Variants in DMXL2 observed in about 807,000 individuals in gnomAD.
DMXL2 encodes dmX-like protein 2.
DMXL2 carries 103 observed loss-of-function variants against 331.1 expected under a neutral mutation model. The ratio of observed to expected loss-of-function variants is 0.31; its 90% CI spans 0.27 to 0.37. The LOEUF (loss-of-function observed/expected upper bound fraction) is 0.37. Among genes scored for constraint, DMXL2 ranks in the 10% least tolerant of loss-of-function variants. The pLI is 1.00. For synonymous variants in DMXL2, 1,281 were observed against 1,252.1 expected, an observed-to-expected ratio of 1.02 and a Z score of -0.49; for missense variants, 3,171 against 3,642.9, an observed-to-expected ratio of 0.87 and a Z score of 3.33.
chr15:51,456,680 A>G (rs2039649264), intron 37 of DMXL2, among the ~76,000 whole-genome samples: 1 of 152,240 alleles, frequency 6.6e-6, no homozygotes, highest in Non-Finnish European at 1.5e-5. Flanking sequence ...AGCAGAACAT[A>G]AGAATGGGAC....
intron 1 of DMXL2, among the ~76,000 whole-genome samples, chr15:51,618,583 C>T (rs949206703): frequency 4.6e-5 from 7 of 151,792 alleles, no homozygotes; most frequent in African/African-American, 1.7e-4. Context: ...GTCAGAATAC[C>T]AGGTACGTTT....
intron 1 of DMXL2, among the ~76,000 whole-genome samples, chr15:51,582,176 A>G (rs79529498): frequency 0.012 from 1,763 of 152,258 alleles, 27 homozygotes; most frequent in East Asian, 0.026. Context: ...TCTTTCTTTC[A>G]AGACTGCCAC....
Position 51,537,733 on chromosome 15 carries a change from C to A in DMXL2, c.1372G>T (p.Ala458Ser), listed in dbSNP as rs1350855671. The change falls in exon 11 of 44, where the codon GCA becomes TCA. Residue 458 changes from alanine (A) to serine (S), a missense_variant. Transcript: ENST00000560891. ...TCATGTTCTGATGATCCTGTACCTG[C>A]CTCAGATTCTCTATCCAGGGATAAA... ...HDLSLDRESE[A>S]GTGSSEHEDG... 1.6e-5 allele frequency: 26 copies of A among 1,613,308 alleles called. No individual in the cohort carries two copies. The highest frequency in any genetic ancestry group is 2.1e-5 in the Non-Finnish European group (25 of 1,179,554).
chr15:51,545,013 G>A (rs996272217), intron 8 of DMXL2, among the ~76,000 whole-genome samples: 1 of 151,890 alleles, frequency 6.6e-6, no homozygotes, highest in African/African-American at 2.4e-5. Flanking sequence ...GTGTTATAAC[G>A]TAATTTCTTA....
intron 8 of DMXL2, among the ~76,000 whole-genome samples, chr15:51,544,098 G>GA (rs199874054): frequency 6.6e-6 from 1 of 152,112 alleles, no homozygotes; most frequent in Non-Finnish European, 1.5e-5. Flanking sequence ...TTTAAATATT[G>GA]AAAAAAATGT....
intron 1 of DMXL2, among the ~76,000 whole-genome samples, chr15:51,602,128 C>T (rs75108252): frequency 2.0e-5 from 3 of 152,178 alleles, no homozygotes; most frequent in East Asian, 3.9e-4. Flanking sequence ...CAGATAAATG[C>T]GGTAAGAAGA....
intron 13 of DMXL2, 110 bp downstream of exon 13, chr15:51,535,553 A>T: frequency 1.0e-6 from 1 of 999,332 alleles, no homozygotes; most frequent in Admixed American, 2.6e-5. Context: ...TGCAGCCCAG[A>T]ACATATACTT....
At chr15:51,568,798 A>G (rs140831354) in intron 2 of DMXL2, among the ~76,000 whole-genome samples, 136 of 152,172 alleles carry the variant, frequency 8.9e-4, no homozygotes, top group African/African-American at 3.1e-3. Flanking sequence ...AAGAAATCAT[A>G]TTTGGATGGA....
At chr15:51,597,584 T>C (rs990987812) in intron 1 of DMXL2, among the ~76,000 whole-genome samples, 1 of 152,168 alleles carries the variant, frequency 6.6e-6, no homozygotes, top group Non-Finnish European at 1.5e-5. Flanking sequence ...GCCTATTACA[T>C]ACAATGCTGC....
At chr15:51,488,287 G>A (rs77652051) in intron 21 of DMXL2, among the ~76,000 whole-genome samples, 168 bp from the exon 22 acceptor site, 17 of 152,304 alleles carry the variant, frequency 1.1e-4, no homozygotes, top group Non-Finnish European at 2.4e-4. Context: ...AAGAAGGAAG[G>A]TCAATAATGC....
chr15:51,545,729 C>G lies in DMXL2; in HGVS notation c.784G>C (p.Asp262His), dbSNP rs2048851501. 1 of 1,613,378 alleles carries G rather than the reference C, an allele frequency of 6.2e-7. No homozygotes were observed. Among genetic ancestry groups the G allele is most frequent in the Non-Finnish European group, 8.5e-7 (1 of 1,179,516 alleles). The change falls in exon 8 of 44, where the codon GAT becomes CAT. Residue 262 changes from aspartate to histidine, a missense_variant. Asp to His is a moderately conservative substitution (Grantham distance 81, BLOSUM62 -1). Coordinates refer to ENST00000560891, the MANE Select transcript of DMXL2 (RefSeq NM_001378457.1). ...VCNVLLTSCH[D>H]GVCRLWAETL... The stretch of plus-strand genomic sequence containing the variant: ...TCTGCCCAGAGCCGGCACACACCAT[C>G]ATGACATGAAGTTAACAACACATTA...
chr15:51,458,168 T>C (rs1700897268), intron 36 of DMXL2: 1 of 190,512 alleles, frequency 5.2e-6, no homozygotes, highest in Non-Finnish European at 1.1e-5. Flanking sequence ...GAAGAAACAC[T>C]GCAAAATTAC....
intron 2 of DMXL2, among the ~76,000 whole-genome samples, chr15:51,571,600 G>A (rs530662269): frequency 1.4e-4 from 22 of 152,246 alleles, no homozygotes; most frequent in South Asian, 2.1e-4. Context: ...AGACCACAGC[G>A]CAATCATATT....
chr15:51,606,989 C>G (rs2053631770), intron 1 of DMXL2, among the ~76,000 whole-genome samples: 1 of 151,904 alleles, frequency 6.6e-6, no homozygotes, highest in Non-Finnish European at 1.5e-5. Context: ...GAAACCCTGT[C>G]CCTACTAAAA....
rs568866868 is a variant in DMXL2 at position 51,485,997 on chromosome 15, A to C, written c.5482+76T>G. The C allele has an allele frequency of 2.2e-4, 317 of 1,417,758 alleles. 2 individuals are homozygous for C. In the East Asian group the frequency reaches 7.2e-3, roughly 32 times the overall value. The allele number at this position is 1,417,758 out of a possible 1,614,324, so 87.8% of individuals were successfully genotyped here. A position where few individuals can be genotyped will look rare whatever the true frequency, so the allele number is the denominator to read the frequency against. ...AGCAAATCTGGTAATGATTTTTCTT[A>C]ATCTAAGTGAACATTAGTTCAGAAA... On this transcript the variant is annotated intron_variant, in intron 23 of 43. Transcript: ENST00000560891.
At chr15:51,622,051 C>T (rs1195906543) in intron 1 of DMXL2, among the ~76,000 whole-genome samples, 3 of 151,600 alleles carry the variant, frequency 2.0e-5, no homozygotes, top group African/African-American at 7.3e-5. Flanking sequence ...AGTCTCTTCA[C>T]CTCCACGCTC....
chr15:51,576,204 GTTTT>G, intron 1 of DMXL2, 23 bp from the exon 2 acceptor site: 1 of 525,058 alleles, frequency 1.9e-6, no homozygotes, highest in Non-Finnish European at 2.6e-6. Context: ...AAAAAAAAAA[GTTTT>G]ACAATACATA....
chr15:51,554,667 A>C (rs888219602), intron 6 of DMXL2, among the ~76,000 whole-genome samples: 1 of 152,240 alleles, frequency 6.6e-6, no homozygotes, highest in Non-Finnish European at 1.5e-5. Context: ...GTTTAAAAAC[A>C]ATGAGGCAAA....
In DMXL2 at chr15:51,480,520, G is replaced by GA. The variant is rs751598525; in HGVS notation, c.6564+21dup. On this transcript the variant is annotated intron_variant, in intron 24 of 43. Coordinates refer to ENST00000560891, the MANE Select transcript of DMXL2 (RefSeq NM_001378457.1). The stretch of plus-strand genomic sequence containing the variant: ...TGAAATTACTGAAATAACCAAGATT[G>GA]AAAAAAAAGTGATATTCACACCTGT... 25 of 1,480,536 alleles carry GA rather than the reference G, an allele frequency of 1.7e-5. No individual in the cohort carries two copies. The South Asian group carries it at 2.6e-4, about 15-fold the overall frequency. 91.7% of individuals were successfully genotyped at this position (1,480,536 alleles called of 1,614,324 possible).
Sources: allele counts gnomAD v4.1 joint callset (sites outside exome capture counted in the v4.1 genomes callset), GRCh38; gene constraint gnomAD v4.1.1; transcripts MANE v1.5; gene names NCBI Gene and HGNC (gene_info 2026-07-23, HGNC 2026-07-21).